MID1: variants seen among roughly 807,000 people sequenced by gnomAD.
The protein encoded by MID1 is midline 1.
A neutral mutation model predicts 40.4 loss-of-function variants in MID1; 7 were observed. That is an observed-to-expected ratio of 0.17 (90% confidence interval 0.10 to 0.33). The LOEUF is 0.33. Among genes scored for constraint, MID1 ranks in the 10% least tolerant of loss-of-function variants. The pLI, the probability that MID1 is intolerant of heterozygous loss-of-function variation, is 1.00. For missense variants in MID1, 367 were observed against 558.5 expected (o/e 0.66, Z 3.46); for synonymous variants, 229 against 221.2 (o/e 1.04, Z -0.31).
At chrX:10,664,589 T>C (rs1237653313) in intron 1 of MID1, among the ~76,000 whole-genome samples, 1 of 112,717 alleles carries the variant, frequency 8.9e-6, no homozygotes, top group Non-Finnish European at 1.9e-5. Flanking sequence ...TGTGAACATA[T>C]GTTTTCATTT....
chrX:10,493,147 T>C (rs777871389), intron 4 of MID1, among the ~76,000 whole-genome samples: 9 of 111,822 alleles, frequency 8.0e-5, no homozygotes, highest in Non-Finnish European at 1.5e-4. Context: ...TGATTAAGGA[T>C]CACGAGATGG....
At chrX:10,601,857 T>C (rs1270095391) in intron 1 of MID1, among the ~76,000 whole-genome samples, 1 of 110,718 alleles carries the variant, frequency 9.0e-6, no homozygotes, top group Non-Finnish European at 1.9e-5. Context: ...GCTTGTTCCC[T>C]TTGGCGAAAT....
chrX:10,639,168 G>C (rs773657169), intron 1 of MID1, among the ~76,000 whole-genome samples: 3 of 112,355 alleles, frequency 2.7e-5, no homozygotes, highest in East Asian at 5.6e-4. Context: ...TGACTTTGAC[G>C]AGTTGAGAGA....
intron 1 of MID1, among the ~76,000 whole-genome samples, chrX:10,778,013 G>T (rs1181869527): frequency 9.0e-6 from 1 of 111,350 alleles, no homozygotes; most frequent in Non-Finnish European, 1.9e-5. Flanking sequence ...TGAAGGACCT[G>T]CCTAAGGCTG....
chrX:10,657,343 C>T (rs2042881781), intron 1 of MID1, among the ~76,000 whole-genome samples: 1 of 111,527 alleles, frequency 9.0e-6, no homozygotes. Context: ...CCAAGAGAAC[C>T]CAAACCAAGA....
chrX:10,630,422 G>A (rs1168980453), intron 1 of MID1, among the ~76,000 whole-genome samples: 1 of 111,127 alleles, frequency 9.0e-6, no homozygotes, highest in Non-Finnish European at 1.9e-5. Flanking sequence ...GAAGCTGTGA[G>A]GCCAGGGTGA....
intron 1 of MID1, among the ~76,000 whole-genome samples, chrX:10,734,930 C>T (rs1455804224): frequency 9.0e-6 from 1 of 111,650 alleles, no homozygotes; most frequent in East Asian, 2.8e-4. Context: ...CTTCTGAGCT[C>T]AGGAGTGGCT....
At chrX:10,740,580 T>C (rs2043516568) in intron 1 of MID1, among the ~76,000 whole-genome samples, 1 of 112,278 alleles carries the variant, frequency 8.9e-6, no homozygotes, top group South Asian at 3.7e-4. Context: ...CCCTGCTCCA[T>C]CATTTACTTG....
At chrX:10,453,259 T>G (rs1036651163) in intron 9 of MID1, among the ~76,000 whole-genome samples, 1 of 112,003 alleles carries the variant, frequency 8.9e-6, no homozygotes, top group Non-Finnish European at 1.9e-5. Flanking sequence ...ACTTCTTAGA[T>G]TTTTGGCTAA....
At chrX:10,532,618 C>T (rs904649435) in intron 2 of MID1, among the ~76,000 whole-genome samples, 1 of 112,172 alleles carries the variant, frequency 8.9e-6, no homozygotes, top group African/African-American at 3.2e-5. Context: ...TATTGTAGAA[C>T]AGACTAATAG....
intron 4 of MID1, among the ~76,000 whole-genome samples, chrX:10,486,443 C>T (rs1376374869): frequency 1.8e-5 from 2 of 111,888 alleles, no homozygotes; most frequent in Admixed American, 1.9e-4. Flanking sequence ...CCCAAGTCCC[C>T]CAGTGAACCC....
chrX:10,601,901 G>T (rs372879275), intron 1 of MID1, among the ~76,000 whole-genome samples: 43 of 96,282 alleles, frequency 4.5e-4, no homozygotes, highest in African/African-American at 1.6e-3. Context: ...TTTTGTTTTT[G>T]TTTTTTTTTT....
At chrX:10,454,779 T>C in intron 9 of MID1, 91 bp downstream of exon 9, 2 of 780,780 alleles carry the variant, frequency 2.6e-6, no homozygotes, top group Middle Eastern at 5.6e-4. Context: ...ATTTTATTCT[T>C]TAAGATGCAT....
At chrX:10,481,095 G>A (rs1365035663) in intron 5 of MID1, among the ~76,000 whole-genome samples, 1 of 112,094 alleles carries the variant, frequency 8.9e-6, no homozygotes, top group Non-Finnish European at 1.9e-5. Context: ...TTGGCACACA[G>A]CCACACCCAT....
chrX:10,517,732 C>T (rs1602337709), intron 3 of MID1, among the ~76,000 whole-genome samples: 1 of 111,305 alleles, frequency 9.0e-6, no homozygotes, highest in South Asian at 3.8e-4. Flanking sequence ...ATCCCCATGC[C>T]TTTATTTGCC....
At chrX:10,733,154 G>A (rs2043463807) in intron 1 of MID1, among the ~76,000 whole-genome samples, 1 of 111,508 alleles carries the variant, frequency 9.0e-6, no homozygotes, top group Non-Finnish European at 1.9e-5. Flanking sequence ...GAGCCACCGC[G>A]CCCGGCCGGT....
At chrX:10,704,739 T>TACACACACACAC (rs1189463440) in intron 1 of MID1, among the ~76,000 whole-genome samples, 846 of 82,148 alleles carry the variant, frequency 0.01, 3 homozygotes, top group Non-Finnish European at 0.012. Context: ...TATATATATA[T>TACACACACACAC]ACACACACAC....
intron 2 of MID1, among the ~76,000 whole-genome samples, chrX:10,557,102 T>C (rs1934150393): frequency 8.9e-6 from 1 of 111,755 alleles, no homozygotes; most frequent in South Asian, 3.7e-4. Context: ...GTCCCCGAGG[T>C]TGTCTGGGTC....
At position 10,446,927 on chromosome X, in the gene MID1, A is replaced by G. The variant is rs1364612299; in HGVS notation, c.*2441T>C. On this transcript the variant is annotated 3_prime_UTR_variant, in exon 10 of 10. Transcript: ENST00000317552. ...TGGTGAGGACCCCAAATAATAAAAT[A>G]CTGTGACCTCAATCAGTTTAAAGAG... is the stretch of plus-strand genomic sequence containing the variant. 8.9e-6 allele frequency: 1 copy of G among 111,922 alleles called. No individual in the cohort carries two copies. Among genetic ancestry groups the G allele is most frequent in the Non-Finnish European group, 1.9e-5 (1 of 53,279 alleles). 9.2% of individuals were successfully genotyped at this position (111,922 alleles called of 1,213,427 possible). A position where few individuals can be genotyped will look rare whatever the true frequency, so the allele number is the denominator to read the frequency against.
Sources: allele counts gnomAD v4.1 joint callset (sites outside exome capture counted in the v4.1 genomes callset), GRCh38; gene constraint gnomAD v4.1.1; transcripts MANE v1.5; gene names NCBI Gene and HGNC (gene_info 2026-07-23, HGNC 2026-07-21).